The following FAM114A2 variants were observed in gnomAD, a reference collection of about 807,000 sequenced individuals.
FAM114A2 encodes the protein protein FAM114A2.
FAM114A2 carries 53 observed loss-of-function variants against 58.4 expected under a neutral mutation model. That is an observed-to-expected ratio of 0.91 (90% CI 0.73 to 1.14). The LOEUF (loss-of-function observed/expected upper bound fraction) is 1.14, where lower values mean the gene tolerates loss of function less well. Ranked by LOEUF, FAM114A2 falls within the 50% of genes most tolerant of loss-of-function variation. The pLI is 0.00. For missense variants in FAM114A2, 601 were observed against 581.1 expected (o/e 1.03, Z -0.35); for synonymous variants, 228 against 211.4 (o/e 1.08, Z -0.68).
At chr5:154,031,754 T>C (rs957191022) in intron 4 of FAM114A2, among the ~76,000 whole-genome samples, 2 of 152,190 alleles carry the variant, frequency 1.3e-5, no homozygotes, top group African/African-American at 4.8e-5. Flanking sequence ...ATTCTCCCAA[T>C]CTCCCTTCTC....
chr5:154,002,522 T>C, intron 10 of FAM114A2, 132 bp from the exon 11 acceptor site: 1 of 718,154 alleles, frequency 1.4e-6, no homozygotes, highest in Non-Finnish European at 2.2e-6. Context: ...GTCTTCTTCT[T>C]CCACAGTAGT....
intron 13 of FAM114A2, among the ~76,000 whole-genome samples, chr5:153,994,396 A>G (rs955236030): frequency 6.6e-6 from 1 of 152,230 alleles, no homozygotes; most frequent in Admixed American, 6.5e-5. Flanking sequence ...GAGGTAATAT[A>G]ATCAGTCACA....
At chr5:154,001,211 T>A (rs1177527679) in intron 11 of FAM114A2, among the ~76,000 whole-genome samples, 1 of 152,160 alleles carries the variant, frequency 6.6e-6, no homozygotes, top group Non-Finnish European at 1.5e-5. Context: ...TACACACATA[T>A]ATATTCATAT....
At chr5:154,001,458 T>A (rs1041309860) in intron 11 of FAM114A2, among the ~76,000 whole-genome samples, 8 of 152,136 alleles carry the variant, frequency 5.3e-5, no homozygotes, top group African/African-American at 1.9e-4. Flanking sequence ...GAGTCTCTCA[T>A]CCTTAAGGAA....
intron 4 of FAM114A2, among the ~76,000 whole-genome samples, chr5:154,030,948 C>CCTTAG (rs1484589380): frequency 6.6e-6 from 1 of 152,070 alleles, no homozygotes; most frequent in Non-Finnish European, 1.5e-5. Flanking sequence ...AAGAGTCAAG[C>CCTTAG]CTTAGCAGCA....
chr5:154,006,567 G>T (rs918670836), intron 9 of FAM114A2, among the ~76,000 whole-genome samples: 28 of 152,198 alleles, frequency 1.8e-4, no homozygotes, highest in African/African-American at 6.7e-4. Flanking sequence ...AAATTAGGTT[G>T]GAGTAGTGAG....
chr5:154,014,255 A>T (rs1770876968), intron 8 of FAM114A2, among the ~76,000 whole-genome samples: 1 of 152,236 alleles, frequency 6.6e-6, no homozygotes, highest in Non-Finnish European at 1.5e-5. Context: ...ATGGAAACAA[A>T]AAAGAAAAAG....
In FAM114A2 at chr5:154,002,967, T is replaced by G; in HGVS notation, c.996A>C (p.Ala332=). Residue 332 remains alanine, a splice_region_variant and synonymous_variant, in exon 10 of 14, where the codon GCA becomes GCC. Coordinates refer to ENST00000351797, the MANE Select transcript of FAM114A2 (RefSeq NM_018691.4). ...TGATCCATTCGTGGGCGGTATTTCT[T>G]GCCTAAATAAGAAAAATATTGGCCA... ...VSSKPEKLAR[A]RNTAHEWIRK... is the part of the protein sequence containing the mutation. The G allele has an allele frequency of 1.9e-6, 3 of 1,613,592 alleles. No individual in the cohort carries two copies. Among genetic ancestry groups the G allele is most frequent in the Non-Finnish European group, 8.5e-7 (1 of 1,179,810 alleles).
chr5:154,008,332 A>G (rs895472884), intron 9 of FAM114A2, among the ~76,000 whole-genome samples: 3 of 152,180 alleles, frequency 2.0e-5, no homozygotes, highest in African/African-American at 7.2e-5. Flanking sequence ...TTAATACTGT[A>G]CATATTCAAA....
At position 154,023,474 on chromosome 5, in the gene FAM114A2, C is replaced by T. The variant is rs530600247; in HGVS notation, c.913+2925G>A. Among the ~76,000 whole-genome samples the T allele has an allele frequency of 4.3e-4, 66 of 152,214 alleles. 1 individual carries two copies. In the South Asian group the frequency reaches 9.1e-3, roughly 21 times the overall value. On this transcript the variant is annotated intron_variant, in intron 8 of 13. Coordinates refer to ENST00000351797, the MANE Select transcript of FAM114A2 (RefSeq NM_018691.4). ...AACGAATGAATTAATGCATTCGCAG[C>T]GACCTGGATGAGACTGGATGCTATT...
At chr5:154,002,157 T>A in intron 11 of FAM114A2, 94 bp downstream of exon 11, 1 of 1,195,644 alleles carries the variant, frequency 8.4e-7, no homozygotes, top group East Asian at 2.4e-5. Context: ...GTGACGTGAA[T>A]GGTTTCTTGA....
chr5:154,027,846 G>A (rs554549146), intron 6 of FAM114A2, among the ~76,000 whole-genome samples: 2 of 152,046 alleles, frequency 1.3e-5, no homozygotes, highest in Non-Finnish European at 2.9e-5. Flanking sequence ...AAGGAACCAG[G>A]TGTTTCTCTG....
chr5:153,993,639 T>C (rs1334920491), intron 13 of FAM114A2, among the ~76,000 whole-genome samples: 1 of 152,196 alleles, frequency 6.6e-6, no homozygotes, highest in Non-Finnish European at 1.5e-5. Context: ...GAACAACATT[T>C]TTCAGAAGTG....
At chr5:154,004,494 G>T (rs1262861256) in intron 9 of FAM114A2, among the ~76,000 whole-genome samples, 1 of 152,102 alleles carries the variant, frequency 6.6e-6, no homozygotes, top group Non-Finnish European at 1.5e-5. Flanking sequence ...CCAAATGTCT[G>T]CTAGACAAAA....
intron 8 of FAM114A2, among the ~76,000 whole-genome samples, chr5:154,023,470 G>A (rs1771568061): frequency 1.3e-5 from 2 of 152,110 alleles, no homozygotes; most frequent in Admixed American, 6.6e-5. Flanking sequence ...TAATGCATTC[G>A]CAGCGACCTG....
chr5:154,015,423 G>C (rs138428631), intron 8 of FAM114A2, among the ~76,000 whole-genome samples: 3 of 152,182 alleles, frequency 2.0e-5, no homozygotes, highest in African/African-American at 7.2e-5. Context: ...ACAGCTGAGA[G>C]ACCCACACAG....
chr5:153,993,010 T>G lies in FAM114A2; in HGVS notation c.1484A>C (p.Glu495Ala), dbSNP rs146086196. 270 of 1,612,932 alleles carry G rather than the reference T, an allele frequency of 1.7e-4. No homozygotes were observed. In the African/African-American group the frequency reaches 3.3e-3, roughly 20 times the overall value. The change falls in exon 14 of 14, where the codon GAG (glutamate) becomes GCG (alanine). Residue 495 changes from glutamate (E) to alanine (A), a missense_variant. By Grantham distance (107) the Glu-to-Ala change is moderately radical. Transcript: ENST00000351797. ...TAACAAAGGTTTCTGGCCCTGCAGC[T>G]CATGTCTGTGTGATTCAATCTTGTT... ...IENKIESHRH[E>A]LQGQKPLLEH
At chr5:154,011,495 C>T (rs188133445) in intron 8 of FAM114A2, among the ~76,000 whole-genome samples, 175 bp from the exon 9 acceptor site, 70 of 152,198 alleles carry the variant, frequency 4.6e-4, no homozygotes, top group Admixed American at 4.5e-3. Flanking sequence ...AATCCTTTTA[C>T]GTATATCAAT....
chr5:154,034,253 ATAAC>A, intron 3 of FAM114A2, 21 bp downstream of exon 3: 2 of 1,386,220 alleles, frequency 1.4e-6, no homozygotes, highest in Non-Finnish European at 2.0e-6. Flanking sequence ...ACACACAAAA[ATAAC>A]TAAATGACTG....
Sources: gnomAD v4.1 joint callset for allele counts (sites outside exome capture counted in the v4.1 genomes callset) on GRCh38, gnomAD v4.1.1 for gene constraint, MANE v1.5 for transcripts, NCBI Gene and HGNC (gene_info 2026-07-23, HGNC 2026-07-21) for gene names.